The following USP28 variants were observed in gnomAD, a reference collection of about 807,000 sequenced individuals.
USP28 encodes ubiquitin carboxyl-terminal hydrolase 28.
A neutral mutation model predicts 145.0 loss-of-function variants in USP28; 113 were observed. The ratio of observed to expected loss-of-function variants is 0.78; its 90% CI spans 0.67 to 0.91. USP28 has a LOEUF of 0.91. USP28 is among the 40% of genes least tolerant of loss of function. The probability of loss-of-function intolerance (pLI) is 0.00; values close to 1 mark genes in which losing one functional copy is unlikely to be tolerated. For synonymous variants in USP28, 447 were observed against 450.9 expected, an observed-to-expected ratio of 0.99 and a Z score of 0.11; for missense variants, 1,201 against 1,289.6, an observed-to-expected ratio of 0.93 and a Z score of 1.05.
At chr11:113,816,351 C>T (rs567382058) in intron 13 of USP28, among the ~76,000 whole-genome samples, 1 of 152,248 alleles carries the variant, frequency 6.6e-6, no homozygotes, top group South Asian at 2.1e-4. Context: ...CCCATCTCTA[C>T]TAAAAATACA....
intron 5 of USP28, among the ~76,000 whole-genome samples, chr11:113,836,858 C>T (rs1286042979): frequency 3.3e-5 from 5 of 152,118 alleles, no homozygotes; most frequent in Non-Finnish European, 1.5e-5. Flanking sequence ...CTCCAGTGAC[C>T]CTCCCTTTGC....
At chr11:113,872,201 G>A (rs887320459) in intron 1 of USP28, among the ~76,000 whole-genome samples, 4 of 152,146 alleles carry the variant, frequency 2.6e-5, no homozygotes, top group Admixed American at 6.6e-5. Flanking sequence ...GAGAGATCTC[G>A]CCTGGTAAGA....
rs769304445 is a variant in USP28, at chr11:113,815,290, C to T, written c.1556G>A (p.Arg519Gln). 19 of 1,613,862 alleles carry T rather than the reference C, an allele frequency of 1.2e-5. No individual in the cohort carries two copies. The highest frequency in any genetic ancestry group is 5.3e-5 in the African/African-American group (4 of 74,836). Reference sequence around the variant, plus strand: ...CTGTGAAGGCATTTCCATGGAAGACCGAGAAGATGTCAGTGGTTTAGACTT... The same window carrying T: ...CTGTGAAGGCATTTCCATGGAAGACTGAGAAGATGTCAGTGGTTTAGACTT... The change falls in exon 14 of 25, where the codon CGG (arginine) becomes CAG (glutamine). Residue 519 changes from arginine to glutamine, a missense_variant. Physicochemically the swap from Arg to Gln is conservative, Grantham distance 43. Coordinates refer to ENST00000003302, the Ensembl canonical transcript of USP28.
intron 19 of USP28, among the ~76,000 whole-genome samples, chr11:113,805,430 A>G (rs1029725713): frequency 2.5e-4 from 38 of 151,856 alleles, no homozygotes; most frequent in Non-Finnish European, 4.0e-4. Context: ...TAATTTTTGT[A>G]TTTTTGATAG....
chr11:113,803,230 G>C (rs764416042), exon 23 of USP28: 3 of 1,614,034 alleles, frequency 1.9e-6, no homozygotes, highest in Non-Finnish European at 1.7e-6. Context: ...TCATCAGCAG[G>C]GCAGCATTGC....
chr11:113,825,356 C>T (rs561030468), intron 11 of USP28, among the ~76,000 whole-genome samples: 30 of 152,276 alleles, frequency 2.0e-4, no homozygotes, highest in Non-Finnish European at 3.4e-4. Flanking sequence ...TAATTCCAAG[C>T]ACTGGCAAGG....
exon 25 of USP28, chr11:113,799,169 A>G (rs927062009): frequency 6.6e-7 from 1 of 1,523,314 alleles, no homozygotes. Context: ...CAAGGTGAGC[A>G]CTATGACAAC....
exon 1 of USP28, chr11:113,875,457 G>T: frequency 8.0e-6 from 10 of 1,245,032 alleles, no homozygotes; most frequent in Non-Finnish European, 9.1e-6. Context: ...AGCCGTGGCC[G>T]TCTGCCGCGC....
chr11:113,837,443 T>A (rs1019126293), intron 5 of USP28, among the ~76,000 whole-genome samples: 3 of 152,166 alleles, frequency 2.0e-5, no homozygotes, highest in African/African-American at 7.2e-5. Flanking sequence ...CACCCAAAAA[T>A]ACACCAACAC....
At chr11:113,830,978 T>C (rs751930185) in intron 8 of USP28, 35 bp from the exon 9 acceptor site, 9 of 1,607,946 alleles carry the variant, frequency 5.6e-6, no homozygotes, top group South Asian at 1.1e-5. Flanking sequence ...TCTGGATTGT[T>C]TGGATTAAGA....
intron 22 of USP28, 122 bp from the exon 24 acceptor site, chr11:113,803,403 A>C (rs1264699688): frequency 3.0e-5 from 34 of 1,142,470 alleles, no homozygotes; most frequent in Non-Finnish European, 1.2e-6. Flanking sequence ...TGAAGGACCA[A>C]AGACCGTAGC....
chr11:113,850,145 G>A (rs1026273890), intron 3 of USP28, among the ~76,000 whole-genome samples: 2 of 152,078 alleles, frequency 1.3e-5, no homozygotes, highest in African/African-American at 4.8e-5. Context: ...TTACTCTCAA[G>A]CCCTGTTAAA....
At chr11:113,854,468 C>T in intron 1 of USP28, 133 bp from the exon 2 acceptor site, 1 of 712,824 alleles carries the variant, frequency 1.4e-6, no homozygotes, top group Non-Finnish European at 2.3e-6. Context: ...GTGGCCGGAT[C>T]TCGGCTCACT....
chr11:113,854,263 G>A, exon 2 of USP28: 3 of 1,613,760 alleles, frequency 1.9e-6, no homozygotes, highest in Non-Finnish European at 1.7e-6. Flanking sequence ...CCAACCTTCA[G>A]AGCTTCATGG....
chr11:113,827,562 T>G (rs924241863), intron 10 of USP28, among the ~76,000 whole-genome samples: 40 of 152,208 alleles, frequency 2.6e-4, no homozygotes, highest in South Asian at 1.2e-3. Context: ...AGAATATGGT[T>G]CAACATTCCT....
rs754600971 is a variant in USP28 at position 113,854,239 on chromosome 11, CAG to C, written c.135+17_135+18del. ...AGCTGCTTTAAAGCCTCCTGACTAA[CAG>C]AGATCTGGAAACCAACCTTCAGAGC... On this transcript the variant is annotated intron_variant, in intron 2 of 24. Transcript: ENST00000003302. 3.1e-6 allele frequency: 5 copies of C among 1,606,080 alleles called. No homozygotes were observed. Among genetic ancestry groups the C allele is most frequent in the Non-Finnish European group, 4.2e-6 (5 of 1,176,578 alleles).
Position 113,801,606 on chromosome 11 carries a change from T to C in USP28, c.2935A>G (p.Met979Val), listed in dbSNP as rs1939029352. ...ATGCAGGGGATGATCAGTTCATTCATCACATTAATGCCCTCAGTTACGGAG... is the reference window on the plus strand; with the variant it reads ...ATGCAGGGGATGATCAGTTCATTCACCACATTAATGCCCTCAGTTACGGAG... Residue 979 changes from methionine to valine, a missense_variant, in exon 24 of 25, where the codon ATG becomes GTG. By Grantham distance (21) the Met-to-Val change is conservative. Coordinates refer to ENST00000003302, the Ensembl canonical transcript of USP28. The C allele has an allele frequency of 6.2e-7, 1 of 1,610,862 alleles. No individual in the cohort carries two copies. The highest frequency in any genetic ancestry group is 8.5e-7 in the Non-Finnish European group (1 of 1,177,622).
chr11:113,805,919 TCACAG>T (rs1939867985), intron 19 of USP28, among the ~76,000 whole-genome samples: 1 of 152,110 alleles, frequency 6.6e-6, no homozygotes, highest in African/African-American at 2.4e-5. Context: ...ATATTTCACT[TCACAG>T]AAGACTTTTT....
intron 1 of USP28, among the ~76,000 whole-genome samples, chr11:113,869,171 G>A (rs555855939): frequency 1.3e-5 from 2 of 152,194 alleles, no homozygotes; most frequent in East Asian, 1.9e-4. Context: ...GGTGGCTCAC[G>A]CCTATAATCC....
Sources: allele counts gnomAD v4.1 joint callset (sites outside exome capture counted in the v4.1 genomes callset), GRCh38; gene constraint gnomAD v4.1.1; transcripts MANE v1.5; gene names NCBI Gene and HGNC (gene_info 2026-07-23, HGNC 2026-07-21).